ZNF385C: variants seen among roughly 807,000 people sequenced by gnomAD.
The protein encoded by ZNF385C is zinc finger protein 385C.
ZNF385C carries 28 observed loss-of-function variants against 35.4 expected under a neutral mutation model. The ratio of observed to expected loss-of-function variants is 0.79; its 90% confidence interval spans 0.59 to 1.08. The LOEUF is 1.08. ZNF385C is among the 50% of genes least tolerant of loss of function. The probability of loss-of-function intolerance (pLI) is 0.00; values close to 1 mark genes in which losing one functional copy is unlikely to be tolerated. For synonymous variants in ZNF385C, 248 were observed against 248.2 expected, an observed-to-expected ratio of 1.00 and a Z score of 0.01; for missense variants, 605 against 595.6, an observed-to-expected ratio of 1.02 and a Z score of -0.16.
At chr17:42,041,331 A>G in intron 2 of ZNF385C, 1 of 685,662 alleles carries the variant, frequency 1.5e-6, no homozygotes, top group Non-Finnish European at 2.0e-6. Flanking sequence ...TTTGCCACTT[A>G]CTGGCTGTGC....
intron 1 of ZNF385C, among the ~76,000 whole-genome samples, chr17:42,085,360 G>A (rs782020952): frequency 6.7e-6 from 1 of 149,292 alleles, no homozygotes; most frequent in African/African-American, 2.5e-5. Flanking sequence ...CCTCCACCTC[G>A]CAGGTTCAAG....
At chr17:42,071,524 A>C (rs1555658813) in intron 1 of ZNF385C, among the ~76,000 whole-genome samples, 2 of 152,104 alleles carry the variant, frequency 1.3e-5, no homozygotes, top group South Asian at 4.1e-4. Context: ...TACCCTCAGG[A>C]AGGAAGTCCT....
chr17:42,037,759 C>G lies in ZNF385C; in HGVS notation c.377G>C (p.Ser126Thr). ...AFHFNGAAPL[S>T]LFPNFSTMDP... Reference sequence around the variant, plus strand: ...TACCGTGCTGAAGTTGGGGAAGAGACTGAGCGGGGCAGCGCCATTGAAGTG... The same window carrying G: ...TACCGTGCTGAAGTTGGGGAAGAGAGTGAGCGGGGCAGCGCCATTGAAGTG... Residue 126 changes from serine to threonine, a missense_variant, in exon 3 of 9, where the codon AGT becomes ACT. Ser to Thr is a moderately conservative substitution (Grantham distance 58, BLOSUM62 1). Transcript: ENST00000692273. The G allele has an allele frequency of 6.5e-7, 1 of 1,535,922 alleles. No homozygotes were observed. Among genetic ancestry groups the G allele is most frequent in the Non-Finnish European group, 8.8e-7 (1 of 1,140,660 alleles).
chr17:42,096,384 G>A (rs1420606545), intron 1 of ZNF385C, among the ~76,000 whole-genome samples: 1 of 152,326 alleles, frequency 6.6e-6, no homozygotes, highest in East Asian at 1.9e-4. Context: ...CATCCCCTCG[G>A]CCCTGCTGAT....
At chr17:42,074,431 G>A (rs1290269055) in intron 1 of ZNF385C, among the ~76,000 whole-genome samples, 4 of 148,578 alleles carry the variant, frequency 2.7e-5, no homozygotes, top group African/African-American at 1.0e-4. Context: ...TCACTCTGTC[G>A]CCCAGGCTGG....
intron 2 of ZNF385C, among the ~76,000 whole-genome samples, chr17:42,058,888 C>T (rs1427368704): frequency 6.6e-6 from 1 of 152,194 alleles, no homozygotes; most frequent in Admixed American, 6.5e-5. Context: ...AATTCTTGAC[C>T]TCAAGTGATC....
chr17:42,030,624 AG>A (rs1298685887), intron 5 of ZNF385C, among the ~76,000 whole-genome samples: 1 of 152,234 alleles, frequency 6.6e-6, no homozygotes, highest in Non-Finnish European at 1.5e-5. Context: ...TTACCATCAG[AG>A]GGGTTGTAGT....
At chr17:42,063,985 T>A (rs2053505747) in intron 1 of ZNF385C, among the ~76,000 whole-genome samples, 1 of 151,842 alleles carries the variant, frequency 6.6e-6, no homozygotes, top group Non-Finnish European at 1.5e-5. Flanking sequence ...AGTTGGTGGT[T>A]TCGGTAGAGA....
Position 42,031,353 on chromosome 17 carries a change from T to A in ZNF385C, c.676+266A>T, listed in dbSNP as rs1340969150. 2.6e-5 allele frequency among the ~76,000 whole-genome samples: 4 copies of A among 152,044 alleles called. No homozygotes were observed. The East Asian group carries it at 7.7e-4, about 29-fold the overall frequency. On this transcript the variant is annotated intron_variant, in intron 5 of 8. Coordinates refer to ENST00000692273, the MANE Select transcript of ZNF385C (RefSeq NM_001392013.1). ...TTCCTAACTTCACAAATGAAGTCAT[T>A]TGTGAAGGCAGCCCTTGGAAATGAA...
chr17:42,072,764 C>T (rs1288745555), intron 1 of ZNF385C, among the ~76,000 whole-genome samples: 1 of 152,112 alleles, frequency 6.6e-6, no homozygotes, highest in Non-Finnish European at 1.5e-5. Context: ...GAGAGGGGCT[C>T]AGCGGTGGGG....
At position 42,028,973 on chromosome 17, in the gene ZNF385C, G is replaced by A. The variant is rs577619800; in HGVS notation, c.777C>T (p.Ser259=). The A allele has an allele frequency of 1.2e-4, 184 of 1,550,608 alleles. No homozygotes were observed. The highest frequency in any genetic ancestry group is 3.3e-4 in the Middle Eastern group (2 of 5,990). Residue 259 remains serine (S), a synonymous_variant, in exon 6 of 9, where the codon TCC becomes TCT. Coordinates refer to ENST00000692273, the MANE Select transcript of ZNF385C (RefSeq NM_001392013.1). The stretch of plus-strand genomic sequence containing the variant: ...GTGGGCAGGAGGAAGAAGAGGATGA[G>A]GAGGCAGCATCCAAGAGCTCTGAGT... ...PAHSELLDAA[S]SSSSSSCPPC...
intron 1 of ZNF385C, among the ~76,000 whole-genome samples, chr17:42,064,083 C>T (rs924530983): frequency 3.0e-3 from 324 of 108,154 alleles, no homozygotes; most frequent in Non-Finnish European, 4.8e-3. Flanking sequence ...TACACACACA[C>T]ACACACACAC....
At chr17:42,028,335 C>T (rs2052645825) in intron 6 of ZNF385C, 89 bp from the exon 7 acceptor site, 1 of 1,331,978 alleles carries the variant, frequency 7.5e-7, no homozygotes, top group South Asian at 1.4e-5. Context: ...ATTTGGCTCT[C>T]CCTGTAAGCC....
At position 42,026,019 on chromosome 17, in the gene ZNF385C, G is replaced by A. The variant is rs2052570958; in HGVS notation, c.*878C>T. The stretch of plus-strand genomic sequence containing the variant: ...ACCCACACCCGCCCTCCAAGAGTTG[G>A]GGTTCAGGAAGTCAGAGAAAGGCTA... On this transcript the variant is annotated 3_prime_UTR_variant, in exon 9 of 9. Transcript: ENST00000692273. 6.6e-6 allele frequency: 1 copy of A among 152,154 alleles called. No individual in the cohort carries two copies. The highest frequency in any genetic ancestry group is 2.1e-4 in the South Asian group (1 of 4,818). The allele number at this position is 152,154 out of a possible 1,614,324, so 9.4% of individuals were successfully genotyped here.
intron 1 of ZNF385C, among the ~76,000 whole-genome samples, chr17:42,084,624 T>C (rs2053786316): frequency 6.6e-6 from 1 of 152,130 alleles, no homozygotes; most frequent in Non-Finnish European, 1.5e-5. Context: ...TTTTATTTTT[T>C]CTTGGAGACA....
intron 2 of ZNF385C, chr17:42,062,405 G>A: frequency 6.0e-6 from 1 of 166,912 alleles, no homozygotes. Flanking sequence ...GCTGACCTTG[G>A]CCTTCAGAGA....
At chr17:42,054,090 T>A (rs1193050382) in intron 2 of ZNF385C, among the ~76,000 whole-genome samples, 3 of 151,898 alleles carry the variant, frequency 2.0e-5, no homozygotes, top group Admixed American at 6.6e-5. Flanking sequence ...GGCATGTTCT[T>A]CCCCCAGGGG....
chr17:42,048,260 G>A (rs1555656812), intron 2 of ZNF385C, among the ~76,000 whole-genome samples: 3 of 151,894 alleles, frequency 2.0e-5, no homozygotes, highest in African/African-American at 7.3e-5. Context: ...ATTCTTGGCT[G>A]GATGTGGTGG....
intron 2 of ZNF385C, among the ~76,000 whole-genome samples, chr17:42,060,264 G>T (rs1016657637): frequency 4.6e-5 from 7 of 152,074 alleles, no homozygotes; most frequent in African/African-American, 1.7e-4. Flanking sequence ...TAAAGAAAAG[G>T]CTCCAGAATC....
Sources: allele counts gnomAD v4.1 joint callset (sites outside exome capture counted in the v4.1 genomes callset), GRCh38; gene constraint gnomAD v4.1.1; transcripts MANE v1.5; gene names NCBI Gene and HGNC (gene_info 2026-07-23, HGNC 2026-07-21).